CTNNB1: variants seen among roughly 807,000 people sequenced by gnomAD.
The protein encoded by CTNNB1 is catenin beta 1.
In CTNNB1, 6 loss-of-function variants were observed where a neutral mutation model predicts 82.5. The ratio of observed to expected loss-of-function variants is 0.07; its 90% CI spans 0.04 to 0.14. The LOEUF (loss-of-function observed/expected upper bound fraction) is 0.14, where lower values mean the gene tolerates loss of function less well. Ranked by LOEUF, CTNNB1 falls within the 10% of genes least tolerant of loss-of-function variation. The pLI, the probability that CTNNB1 is intolerant of heterozygous loss-of-function variation, is 1.00. For missense variants in CTNNB1, 529 were observed against 980.4 expected (o/e 0.54, Z 6.15); for synonymous variants, 312 against 329.7 (o/e 0.95, Z 0.58).
chr3:41,227,594 T>G (rs552430571), intron 7 of CTNNB1, among the ~76,000 whole-genome samples: 2 of 152,314 alleles, frequency 1.3e-5, no homozygotes, highest in East Asian at 1.9e-4. Flanking sequence ...TTAATAAAAT[T>G]TGTTTGTAAT....
chr3:41,230,460 A>G (rs1430366667), intron 7 of CTNNB1, among the ~76,000 whole-genome samples: 2 of 152,218 alleles, frequency 1.3e-5, no homozygotes, highest in Non-Finnish European at 2.9e-5. Context: ...TTTATTCTGA[A>G]AATAGCATCT....
intron 1 of CTNNB1, among the ~76,000 whole-genome samples, chr3:41,217,591 C>A (rs1012537501): frequency 6.6e-6 from 1 of 152,158 alleles, no homozygotes; most frequent in Non-Finnish European, 1.5e-5. Flanking sequence ...CCACAGAATA[C>A]ATTTCTGTTA....
At chr3:41,215,476 C>T (rs1411636760) in intron 1 of CTNNB1, among the ~76,000 whole-genome samples, 1 of 148,698 alleles carries the variant, frequency 6.7e-6, no homozygotes, top group Non-Finnish European at 1.5e-5. Context: ...TTCTCCTGTT[C>T]ACATTTTGAG....
chr3:41,219,378 C>T (rs1479838248), intron 1 of CTNNB1, among the ~76,000 whole-genome samples: 4 of 152,096 alleles, frequency 2.6e-5, no homozygotes, highest in Admixed American at 2.6e-4. Flanking sequence ...TTATTTTAAA[C>T]AGTAAAATTA....
At position 41,236,718 on chromosome 3, in the gene CTNNB1, A is replaced by T; in HGVS notation, c.2076+9A>T. On this transcript the variant is annotated intron_variant, in intron 13 of 14. Transcript: ENST00000349496. ...CAATGGCTTGGAATGAGGTAGGGAAATGTGAGCAGTTATTTATCTGGTAGT... is the reference window on the plus strand; with the variant it reads ...CAATGGCTTGGAATGAGGTAGGGAATTGTGAGCAGTTATTTATCTGGTAGT... 1 of 1,614,060 alleles carries T rather than the reference A, an allele frequency of 6.2e-7. No homozygotes were observed. The highest frequency in any genetic ancestry group is 8.5e-7 in the Non-Finnish European group (1 of 1,179,940).
intron 1 of CTNNB1, among the ~76,000 whole-genome samples, chr3:41,205,551 C>G (rs1450861692): frequency 6.6e-6 from 1 of 152,100 alleles, no homozygotes; most frequent in African/African-American, 2.4e-5. Context: ...TGGCAGGTGC[C>G]TGTGATCCCA....
intron 1 of CTNNB1, among the ~76,000 whole-genome samples, chr3:41,215,395 A>AC (rs1559461525): frequency 2.0e-5 from 3 of 150,366 alleles, no homozygotes; most frequent in Admixed American, 2.0e-4. Context: ...AAAAAAAAAA[A>AC]AAAAAAAAAC....
intron 2 of CTNNB1, chr3:41,224,310 T>C: frequency 1.4e-6 from 1 of 695,426 alleles, no homozygotes; most frequent in South Asian, 1.8e-5. Context: ...GTACCATTCT[T>C]CCACTGATTC....
At chr3:41,206,803 G>A (rs1044244997) in intron 1 of CTNNB1, among the ~76,000 whole-genome samples, 2 of 152,084 alleles carry the variant, frequency 1.3e-5, no homozygotes, top group Non-Finnish European at 1.5e-5. Context: ...TCCAAGTGGA[G>A]TTCATTCCCC....
chr3:41,239,635 T>TAGC lies in CTNNB1; in HGVS notation c.*297_*299dup. ...TAACATTTGCTGTTTTAAACATTAA[T>TAGC]AGCAGCCTTTCTCTCTTTATACAGC... On this transcript the variant is annotated 3_prime_UTR_variant, in exon 15 of 15. Transcript: ENST00000349496. 1 of 480,512 alleles carries TAGC rather than the reference T, an allele frequency of 2.1e-6. No homozygotes were observed. The highest frequency in any genetic ancestry group is 2.1e-5 in the South Asian group (1 of 47,708). The allele number at this position is 480,512 out of a possible 1,614,324, so 29.8% of individuals were successfully genotyped here. A position where few individuals can be genotyped will look rare whatever the true frequency, so the allele number is the denominator to read the frequency against.
chr3:41,238,525 G>A, intron 14 of CTNNB1: 1 of 194,208 alleles, frequency 5.1e-6, no homozygotes, highest in Non-Finnish European at 1.1e-5. Flanking sequence ...CATGGAGGAT[G>A]GCATAGACCA....
rs2077473650 is a variant in CTNNB1 at position 41,199,560 on chromosome 3, G to GGGAGGC, written c.-154_-149dup. 6.5e-6 allele frequency: 1 copy of GGGAGGC among 153,188 alleles called. No individual in the cohort carries two copies. Among genetic ancestry groups the GGGAGGC allele is most frequent in the African/African-American group, 2.4e-5 (1 of 41,460 alleles). The allele number at this position is 153,188 out of a possible 1,614,324, so 9.5% of individuals were successfully genotyped here. On this transcript the variant is annotated 5_prime_UTR_variant, in exon 1 of 15. Transcript: ENST00000349496. ...CCCGGCCCCGGGAGCGGAGAGCGAG[G>GGGAGGC]GGAGGCGGAGACGGAGGAAGGTCTG...
chr3:41,217,482 A>G (rs2077941788), intron 1 of CTNNB1, among the ~76,000 whole-genome samples: 1 of 152,194 alleles, frequency 6.6e-6, no homozygotes, highest in African/African-American at 2.4e-5. Context: ...CATTTAATGG[A>G]TAAATTATTT....
chr3:41,215,302 A>T (rs2077889414), intron 1 of CTNNB1, among the ~76,000 whole-genome samples: 1 of 149,434 alleles, frequency 6.7e-6, no homozygotes, highest in East Asian at 2.0e-4. Flanking sequence ...AGAATTGCTT[A>T]AACCCAGGAG....
rs2125618278 is a variant in CTNNB1, at chr3:41,224,735, A to G, written c.223A>G (p.Thr75Ala). 1.2e-6 allele frequency: 2 copies of G among 1,613,836 alleles called. No individual in the cohort carries two copies. The highest frequency in any genetic ancestry group is 1.7e-6 in the Non-Finnish European group (2 of 1,179,858). ...EWEQGFSQSF[T>A]QEQVADIDGQ... ...GGAACAGGGATTTTCTCAGTCCTTC[A>G]CTCAAGAACAAGTAGCTGGTAAGAG... Residue 75 changes from threonine to alanine, a missense_variant, in exon 3 of 15, where the codon ACT becomes GCT. Thr to Ala is a moderately conservative substitution (Grantham distance 58). Coordinates refer to ENST00000349496, the MANE Select transcript of CTNNB1 (RefSeq NM_001904.4).
intron 1 of CTNNB1, among the ~76,000 whole-genome samples, chr3:41,209,711 G>T (rs2077733421): frequency 6.6e-6 from 1 of 152,150 alleles, no homozygotes; most frequent in African/African-American, 2.4e-5. Context: ...TAACATAAAG[G>T]TAGGTATTTT....
intron 14 of CTNNB1, 196 bp downstream of exon 14, chr3:41,238,272 A>C: frequency 1.6e-6 from 1 of 607,762 alleles, no homozygotes; most frequent in Non-Finnish European, 3.0e-6. Context: ...CACAATGAGT[A>C]GCAGTAGGAT....
At chr3:41,233,220 G>C (rs2078351703) in intron 7 of CTNNB1, 121 bp from the exon 8 acceptor site, 1 of 835,836 alleles carries the variant, frequency 1.2e-6, no homozygotes, top group Non-Finnish European at 2.0e-6. Flanking sequence ...CAAATACTTA[G>C]GTGAAAGGAA....
At chr3:41,234,659 A>T in intron 10 of CTNNB1, 1 of 275,306 alleles carries the variant, frequency 3.6e-6, no homozygotes, top group Non-Finnish European at 7.0e-6. Context: ...TTGCCTCATC[A>T]TGCATTTTGA....
Sources: allele counts gnomAD v4.1 joint callset (sites outside exome capture counted in the v4.1 genomes callset), GRCh38; gene constraint gnomAD v4.1.1; transcripts MANE v1.5; gene names NCBI Gene and HGNC (gene_info 2026-07-23, HGNC 2026-07-21).